Variants in PPM1F observed in about 807,000 individuals in gnomAD.
The protein encoded by PPM1F is protein phosphatase 1F.
In PPM1F, 17 loss-of-function variants were observed where a neutral mutation model predicts 35.5. That is an observed-to-expected ratio of 0.48 (90% CI 0.33 to 0.72). The LOEUF (loss-of-function observed/expected upper bound fraction) is 0.72, where lower values mean the gene tolerates loss of function less well. Ranked by LOEUF, PPM1F falls within the 30% of genes least tolerant of loss-of-function variation. The pLI is 0.02. For missense variants in PPM1F, 521 were observed against 613.0 expected, an observed-to-expected ratio of 0.85 and a Z score of 1.59; for synonymous variants, 241 against 255.5, an observed-to-expected ratio of 0.94 and a Z score of 0.54.
intron 6 of PPM1F, among the ~76,000 whole-genome samples, chr22:21,927,238 G>GA (rs1435431403): frequency 6.6e-6 from 1 of 152,236 alleles, no homozygotes; most frequent in Non-Finnish European, 1.5e-5. Flanking sequence ...GAGGGCAGGA[G>GA]AAAGGGCACG....
At chr22:21,938,035 A>T in intron 3 of PPM1F, 2 of 1,173,606 alleles carry the variant, frequency 1.7e-6, no homozygotes, top group South Asian at 2.9e-5. Flanking sequence ...CGTGACAGGG[A>T]GAGCATGATC....
At chr22:21,925,782 T>C (rs1382145984) in intron 6 of PPM1F, 120 bp from the exon 7 acceptor site, 1 of 725,920 alleles carries the variant, frequency 1.4e-6, no homozygotes, top group African/African-American at 1.8e-5. Context: ...GCCGCAGCAC[T>C]GGAACAAAGC....
intron 2 of PPM1F, chr22:21,944,039 T>TC (rs1166367395): frequency 1.3e-5 from 2 of 152,330 alleles, no homozygotes; most frequent in African/African-American, 4.8e-5. Flanking sequence ...ACTCCCCTGC[T>TC]CCCTGCAGAG....
Position 21,934,049 on chromosome 22 carries a change from G to C in PPM1F, c.533C>G (p.Ser178Cys), listed in dbSNP as rs1403259806. The change falls in exon 4 of 8, where the codon TCC becomes TGC. Residue 178 changes from serine to cysteine, a missense_variant. Coordinates refer to ENST00000263212, the MANE Select transcript of PPM1F (RefSeq NM_014634.4). ...KMEDRHVSLPSFNQLFGLSDP... is the reference protein window; with the variant it reads ...KMEDRHVSLPCFNQLFGLSDP... ...AGACAAGCCGAAGAGCTGGTTGAAG[G>C]AAGGGAGGGACACGTGCCGGTCCTC... 6.4e-7 allele frequency: 1 copy of C among 1,564,296 alleles called. No homozygotes were observed. Among genetic ancestry groups the C allele is most frequent in the Non-Finnish European group, 8.7e-7 (1 of 1,153,578 alleles).
At chr22:21,926,172 A>AC (rs1447615550) in intron 6 of PPM1F, 2 of 138,586 alleles carry the variant, frequency 1.4e-5, no homozygotes, top group African/African-American at 2.8e-5. Context: ...TCGCTCTGTC[A>AC]CCTGGCTGGA....
intron 6 of PPM1F, among the ~76,000 whole-genome samples, chr22:21,927,942 G>GTTTTTTTTTTTTTTTTTTT (rs60216371): frequency 1.9e-4 from 14 of 75,146 alleles, no homozygotes; most frequent in South Asian, 6.3e-4. Flanking sequence ...TTTTTGTTTT[G>GTTTTTTTTTTTTTTTTTTT]TTTTTTTTTT....
At chr22:21,925,303 G>A in intron 7 of PPM1F, 2 of 431,962 alleles carry the variant, frequency 4.6e-6, no homozygotes, top group Non-Finnish European at 8.2e-6. Flanking sequence ...CCATAGGGTG[G>A]TGAGCCACAG....
Position 21,934,142 on chromosome 22 carries a change from GC to G in PPM1F, c.439del (p.Ala147LeufsTer43), listed in dbSNP as rs1489810070. On this transcript the variant is annotated frameshift_variant, in exon 4 of 8. Coordinates refer to ENST00000263212, the MANE Select transcript of PPM1F (RefSeq NM_014634.4). LOFTEE classifies it high-confidence loss of function. Reference protein sequence around the residue: ...AGQWQKQVPLAARASQRQWLV... With the variant: ...AGQWQKQVPLXARASQRQWLV... ...CCACTGCCGCTGTGAGGCCCGGGCA[GC>G]CAATGGCACCTGCTTCTGCCACTGG... 1 of 1,575,590 alleles carries G rather than the reference GC, an allele frequency of 6.3e-7. No individual in the cohort carries two copies. The highest frequency in any genetic ancestry group is 8.6e-7 in the Non-Finnish European group (1 of 1,160,634).
At position 21,939,644 on chromosome 22, in the gene PPM1F, G is replaced by A. The variant is rs780977624; in HGVS notation, c.243C>T (p.His81=). The change falls in exon 3 of 8, where the codon CAC becomes CAT. Residue 81 remains histidine (H), a synonymous_variant. Coordinates refer to ENST00000263212, the MANE Select transcript of PPM1F (RefSeq NM_014634.4). This position sits in a 1 kb window ranked among gnomAD's most constrained non-coding sequence, Gnocchi z 5.1. ...TCTGTAGCAGCTGTGAAACTGCTTCGTGGGCCAGAGCAGCAGCAAGTGGTG... is the reference window on the plus strand; with the variant it reads ...TCTGTAGCAGCTGTGAAACTGCTTCATGGGCCAGAGCAGCAGCAAGTGGTG... The part of the protein sequence containing the change: ...APPPLAAALA[H]EAVSQLLQTD... The A allele has an allele frequency of 7.7e-6, 12 of 1,555,472 alleles. No homozygotes were observed. The highest frequency in any genetic ancestry group is 2.0e-5 in the Admixed American group (1 of 51,252).
rs551955938 is a variant in PPM1F, at chr22:21,939,548, TTCC to T, written c.336_338del (p.Glu113del). On this transcript the variant is annotated inframe_deletion, in exon 3 of 8. Transcript: ENST00000263212. This position sits in a 1 kb window ranked among gnomAD's most constrained non-coding sequence, Gnocchi z 5.1. The stretch of plus-strand genomic sequence containing the variant: ...AGAACTCACAGGTCACAGGGGCCTT[TTCC>T]TCCTCGTCATCGTCCTCCTCCTCTT... 4.5e-3 allele frequency: 7,212 copies of T among 1,591,094 alleles called. 43 individuals are homozygous for T. Among genetic ancestry groups the T allele is most frequent in the Middle Eastern group, 0.011 (64 of 6,034 alleles).
At position 21,939,542 on chromosome 22, in the gene PPM1F, G is replaced by A; in HGVS notation, c.345C>T (p.Ala115=). The part of the protein sequence containing the change: ...EEEDDDEEEK[A]PVTLLDAQSL... ...AGAAACAGAACTCACAGGTCACAGG[G>A]GCCTTTTCCTCCTCGTCATCGTCCT... Residue 115 remains alanine (A), a synonymous_variant, in exon 3 of 8, where the codon GCC becomes GCT. Coordinates refer to ENST00000263212, the MANE Select transcript of PPM1F (RefSeq NM_014634.4). The surrounding 1 kb of genome is among the most constrained non-coding windows in gnomAD (Gnocchi z 5.1). 6.3e-7 allele frequency: 1 copy of A among 1,595,686 alleles called. No individual in the cohort carries two copies.
At chr22:21,926,544 C>T (rs738858) in intron 6 of PPM1F, among the ~76,000 whole-genome samples, 1 of 151,768 alleles carries the variant, frequency 6.6e-6, no homozygotes, top group East Asian at 1.9e-4. Context: ...GCTTGGTCCA[C>T]CCACAAGTCC....
intron 1 of PPM1F, chr22:21,951,909 A>C: frequency 6.6e-6 from 1 of 152,216 alleles, no homozygotes; most frequent in East Asian, 1.9e-4. Flanking sequence ...GGAGGAAAAG[A>C]GCGAAATTTG....
chr22:21,942,273 T>TC (rs1466105677), intron 2 of PPM1F: 1 of 152,618 alleles, frequency 6.6e-6, no homozygotes, highest in East Asian at 1.9e-4. Flanking sequence ...TCCTGATTTT[T>TC]TTTTTTTTTT....
chr22:21,945,760 G>C, intron 2 of PPM1F, 83 bp downstream of exon 2: 3 of 1,410,618 alleles, frequency 2.1e-6, no homozygotes, highest in African/African-American at 1.4e-5. Context: ...GGCTGGACGT[G>C]TAGGGGAGCA....
At position 21,922,903 on chromosome 22, in the gene PPM1F, G is replaced by A. The variant is rs1036256183; in HGVS notation, c.*189C>T. On this transcript the variant is annotated 3_prime_UTR_variant, in exon 8 of 8. Coordinates refer to ENST00000263212, the MANE Select transcript of PPM1F (RefSeq NM_014634.4). Reference sequence around the variant, plus strand: ...CTAAGCTGCCTTCCACCATCTGCCCGCCACCCAGTGCAGTTCCACAGCCAC... The same window carrying A: ...CTAAGCTGCCTTCCACCATCTGCCCACCACCCAGTGCAGTTCCACAGCCAC... 3.1e-5 allele frequency: 22 copies of A among 707,126 alleles called. No homozygotes were observed. Among genetic ancestry groups the A allele is most frequent in the Non-Finnish European group, 4.2e-5 (18 of 426,472 alleles). The allele number at this position is 707,126 out of a possible 1,614,324, so 43.8% of individuals were successfully genotyped here. A position where few individuals can be genotyped will look rare whatever the true frequency, so the allele number is the denominator to read the frequency against.
At chr22:21,938,444 A>C in intron 3 of PPM1F, 1 of 1,144,742 alleles carries the variant, frequency 8.7e-7, no homozygotes, top group Non-Finnish European at 1.1e-6. Flanking sequence ...CGGAGGGCAG[A>C]GGACGAGAGC....
At chr22:21,928,670 C>G (rs775629584) in intron 6 of PPM1F, among the ~76,000 whole-genome samples, 3 of 152,182 alleles carry the variant, frequency 2.0e-5, no homozygotes, top group Non-Finnish European at 4.4e-5. Context: ...GCAGCCTCAA[C>G]CTCTAGGGCT....
Position 21,920,739 on chromosome 22 carries a change from T to C in PPM1F, c.*2353A>G, listed in dbSNP as rs973970094. On this transcript the variant is annotated 3_prime_UTR_variant, in exon 8 of 8. Coordinates refer to ENST00000263212, the MANE Select transcript of PPM1F (RefSeq NM_014634.4). ...TCCAGTGGAGCCTCAGGCTAGGGTA[T>C]GAATCAGACCACCAGGTGATAGGAG... 1 of 152,172 alleles carries C rather than the reference T, an allele frequency of 6.6e-6. No homozygotes were observed. Among genetic ancestry groups the C allele is most frequent in the African/African-American group, 2.4e-5 (1 of 41,434 alleles). The allele number at this position is 152,172 out of a possible 1,614,324, so 9.4% of individuals were successfully genotyped here.
Sources: gnomAD v4.1 joint callset for allele counts (sites outside exome capture counted in the v4.1 genomes callset) on GRCh38, gnomAD v4.1.1 for gene constraint, Gnocchi (gnomAD v3.1) non-coding constraint, MANE v1.5 for transcripts, NCBI Gene and HGNC (gene_info 2026-07-23, HGNC 2026-07-21) for gene names.